KAZN: variants seen among roughly 807,000 people sequenced by gnomAD.
The protein encoded by KAZN is kazrin, periplakin interacting protein.
A neutral mutation model predicts 87.4 loss-of-function variants in KAZN; 40 were observed. The ratio of observed to expected loss-of-function variants is 0.46; its 90% CI spans 0.36 to 0.60. The LOEUF (loss-of-function observed/expected upper bound fraction) is 0.60, where lower values mean the gene tolerates loss of function less well. Among genes scored for constraint, KAZN ranks in the 20% least tolerant of loss-of-function variants. KAZN has a pLI of 0.00. For missense variants in KAZN, 898 were observed against 1,073.9 expected (o/e 0.84, Z 2.29); for synonymous variants, 466 against 458.3 (o/e 1.02, Z -0.22).
At chr1:14,028,903 T>A (rs939923778) in intron 1 of KAZN, among the ~76,000 whole-genome samples, 1 of 152,158 alleles carries the variant, frequency 6.6e-6, no homozygotes, top group African/African-American at 2.4e-5. Context: ...TTCCAAGTCT[T>A]TGCTATTGTG....
intron 2 of KAZN, among the ~76,000 whole-genome samples, chr1:14,282,994 T>C (rs1036127973): frequency 6.6e-6 from 1 of 152,164 alleles, no homozygotes; most frequent in Admixed American, 6.5e-5. Context: ...GTCAGACAAA[T>C]GAGTTTATTT....
chr1:14,167,568 T>G (rs1645857932), intron 1 of KAZN, among the ~76,000 whole-genome samples: 1 of 152,016 alleles, frequency 6.6e-6, no homozygotes. Flanking sequence ...ACTAAAAATC[T>G]AAACATTAGC....
Position 15,114,689 on chromosome 1 carries a change from C to G in KAZN, c.*54C>G. 2 of 1,517,840 alleles carry G rather than the reference C, an allele frequency of 1.3e-6. No homozygotes were observed. The highest frequency in any genetic ancestry group is 8.9e-7 in the Non-Finnish European group (1 of 1,123,780). 94.0% of individuals were successfully genotyped at this position (1,517,840 alleles called of 1,614,324 possible). A position where few individuals can be genotyped will look rare whatever the true frequency, so the allele number is the denominator to read the frequency against. ...TGAGAGACCCAGGAAGGAAGAGAAG[C>G]CAGATGGCCCCAGGTGTCGTTCTCA... On this transcript the variant is annotated 3_prime_UTR_variant, in exon 15 of 15. Coordinates refer to ENST00000376030, the MANE Select transcript of KAZN (RefSeq NM_201628.3).
chr1:14,319,015 TTTATTTATTTATTTATTTATTTA>T, intron 2 of KAZN, among the ~76,000 whole-genome samples: 1 of 24,346 alleles, frequency 4.1e-5, no homozygotes. Context: ...TTTATTTTTA[TTTATTTATTTATTTATTTATTTA>T]TTTATTTATT....
chr1:14,627,082 A>C (rs1382121416), intron 1 of KAZN, among the ~76,000 whole-genome samples: 1 of 152,020 alleles, frequency 6.6e-6, no homozygotes, highest in Non-Finnish European at 1.5e-5. Flanking sequence ...CAGACAGACC[A>C]GTAGGGGGAA....
At chr1:13,960,660 A>G (rs959234184) in intron 1 of KAZN, among the ~76,000 whole-genome samples, 3 of 152,118 alleles carry the variant, frequency 2.0e-5, no homozygotes, top group African/African-American at 7.2e-5. Context: ...ATCGGCTTGT[A>G]TTTGCTAAGG....
intron 8 of KAZN, among the ~76,000 whole-genome samples, chr1:15,068,746 G>A (rs1354026654): frequency 1.4e-4 from 21 of 151,908 alleles, no homozygotes; most frequent in Non-Finnish European, 1.5e-5. Context: ...AGGGTACCCG[G>A]GTTACCCCAA....
chr1:14,779,025 A>G (rs112561744), intron 1 of KAZN, among the ~76,000 whole-genome samples: 4 of 152,074 alleles, frequency 2.6e-5, no homozygotes, highest in African/African-American at 9.7e-5. Flanking sequence ...CTTTTTCGTG[A>G]ATCTGAAGAG....
At chr1:14,976,856 C>A (rs981337825) in intron 2 of KAZN, among the ~76,000 whole-genome samples, 1 of 152,132 alleles carries the variant, frequency 6.6e-6, no homozygotes, top group Non-Finnish European at 1.5e-5. Flanking sequence ...AGTTCGAGAC[C>A]AGTCTGGCCA....
chr1:14,398,655 A>G (rs1357196613), intron 2 of KAZN, among the ~76,000 whole-genome samples: 1 of 152,194 alleles, frequency 6.6e-6, no homozygotes, highest in Non-Finnish European at 1.5e-5. Flanking sequence ...AGGAAACGTA[A>G]TCAAGACTGC....
intron 1 of KAZN, among the ~76,000 whole-genome samples, chr1:14,754,681 G>A (rs945522856): frequency 9.2e-5 from 14 of 152,200 alleles, no homozygotes; most frequent in African/African-American, 3.1e-4. Flanking sequence ...TTATAGTCAC[G>A]TTGTTGGATG....
intron 2 of KAZN, among the ~76,000 whole-genome samples, chr1:14,439,048 T>C (rs924874429): frequency 6.6e-6 from 1 of 152,228 alleles, no homozygotes; most frequent in Non-Finnish European, 1.5e-5. Context: ...AACTCCAGGC[T>C]CTTACAGCCA....
chr1:14,702,070 G>A (rs1430185879), intron 1 of KAZN, among the ~76,000 whole-genome samples: 1 of 152,162 alleles, frequency 6.6e-6, no homozygotes, highest in Non-Finnish European at 1.5e-5. Context: ...ATGAGTACAT[G>A]GGTCTGCTTT....
At chr1:14,742,778 A>C (rs189942552) in intron 1 of KAZN, among the ~76,000 whole-genome samples, 75 of 152,298 alleles carry the variant, frequency 4.9e-4, no homozygotes, top group Admixed American at 1.4e-3. Context: ...CCATTTGCTG[A>C]GCCTGTCCTG....
At chr1:14,965,907 T>G (rs1462888669) in intron 2 of KAZN, among the ~76,000 whole-genome samples, 4 of 152,132 alleles carry the variant, frequency 2.6e-5, no homozygotes, top group African/African-American at 4.8e-5. Context: ...CTTTAGTAAT[T>G]TATTTTAAAA....
At chr1:14,212,773 A>C (rs1646882093) in intron 2 of KAZN, among the ~76,000 whole-genome samples, 2 of 152,202 alleles carry the variant, frequency 1.3e-5, no homozygotes, top group African/African-American at 4.8e-5. Flanking sequence ...TGTTCCTTCC[A>C]GTAGGAAATT....
chr1:14,896,344 C>T (rs754942437), intron 1 of KAZN, among the ~76,000 whole-genome samples: 3 of 152,124 alleles, frequency 2.0e-5, no homozygotes, highest in Non-Finnish European at 2.9e-5. Flanking sequence ...TGAGCCACTG[C>T]GCCCAGCCAA....
At chr1:14,550,970 C>T (rs1159747835) in intron 2 of KAZN, among the ~76,000 whole-genome samples, 1 of 151,900 alleles carries the variant, frequency 6.6e-6, no homozygotes, top group East Asian at 1.9e-4. Flanking sequence ...ATTCTCTCCT[C>T]CCCTATCCCG....
chr1:14,069,723 G>T (rs1643165007), intron 1 of KAZN, among the ~76,000 whole-genome samples: 1 of 152,168 alleles, frequency 6.6e-6, no homozygotes. Flanking sequence ...ATGAAGGGCA[G>T]GGGCTATTTT....
Sources: allele counts gnomAD v4.1 joint callset (sites outside exome capture counted in the v4.1 genomes callset), GRCh38; gene constraint gnomAD v4.1.1; transcripts MANE v1.5; gene names NCBI Gene and HGNC (gene_info 2026-07-23, HGNC 2026-07-21).